The following TRDMT1 variants were observed in gnomAD, a reference collection of about 807,000 sequenced individuals.
TRDMT1 encodes the protein tRNA (cytosine(38)-C(5))-methyltransferase.
TRDMT1 carries 49 observed loss-of-function variants against 51.2 expected under a neutral mutation model. That is an observed-to-expected ratio of 0.96 (90% CI 0.76 to 1.21). The LOEUF (loss-of-function observed/expected upper bound fraction) is 1.21. Ranked by LOEUF, TRDMT1 falls within the 50% of genes most tolerant of loss-of-function variation. The pLI, the probability that TRDMT1 is intolerant of heterozygous loss-of-function variation, is 0.00. For synonymous variants in TRDMT1, 187 were observed against 164.6 expected (o/e 1.14, Z -1.04); for missense variants, 534 against 462.3 (o/e 1.16, Z -1.42).
Position 17,149,227 on chromosome 10 carries a change from C to G in TRDMT1, c.1076-87G>C, listed in dbSNP as rs563408948. The G allele has an allele frequency of 2.6e-4, 261 of 1,013,498 alleles. 3 individuals are homozygous for G. The Admixed American group carries it at 6.4e-3, about 25-fold the overall frequency. 62.8% of individuals were successfully genotyped at this position (1,013,498 alleles called of 1,614,324 possible). ...GATGTATCCTTTAGTAAGGGCACAG[C>G]GGTCATTTCATAAGTAAATCACTAA... On this transcript the variant is annotated intron_variant, in intron 10 of 10. Coordinates refer to ENST00000377799, the MANE Select transcript of TRDMT1 (RefSeq NM_004412.7).
At chr10:17,173,846 C>A (rs1842333905) in intron 2 of TRDMT1, among the ~76,000 whole-genome samples, 1 of 149,924 alleles carries the variant, frequency 6.7e-6, no homozygotes, top group East Asian at 2.0e-4. Context: ...CTCACTGCAA[C>A]CTCCGCCTCC....
At chr10:17,155,983 T>C (rs1839440508) in intron 8 of TRDMT1, among the ~76,000 whole-genome samples, 1 of 152,150 alleles carries the variant, frequency 6.6e-6, no homozygotes, top group African/African-American at 2.4e-5. Context: ...AACTTGGTAA[T>C]TGACAACAGC....
intron 1 of TRDMT1, among the ~76,000 whole-genome samples, chr10:17,195,235 A>T (rs1845248913): frequency 6.6e-6 from 1 of 152,240 alleles, no homozygotes; most frequent in Non-Finnish European, 1.5e-5. Context: ...GAATTAAGAA[A>T]ATGTGGTATA....
rs1165824085 is a variant in TRDMT1 at position 17,144,814 on chromosome 10, CT to C, written c.*4225del. Reference sequence around the variant, plus strand: ...ACAACAACAACAAAAAATACTTTTTCTTTTTTTTTTTAAACTGAAGCTTTAA... The same window carrying C: ...ACAACAACAACAAAAAATACTTTTTCTTTTTTTTTTAAACTGAAGCTTTAA... On this transcript the variant is annotated 3_prime_UTR_variant, in exon 11 of 11. Coordinates refer to ENST00000377799, the MANE Select transcript of TRDMT1 (RefSeq NM_004412.7). 2,780 of 717,908 alleles carry C rather than the reference CT, an allele frequency of 3.9e-3. 1 individual carries two copies. Among genetic ancestry groups the C allele is most frequent in the Middle Eastern group, 5.8e-3 (8 of 1,382 alleles). 44.5% of individuals were successfully genotyped at this position (717,908 alleles called of 1,614,324 possible).
chr10:17,171,110 G>GGTGT (rs1564302038), intron 2 of TRDMT1, among the ~76,000 whole-genome samples: 15 of 82,868 alleles, frequency 1.8e-4, no homozygotes, highest in Middle Eastern at 7.0e-3. Flanking sequence ...ACTGGATTTA[G>GGTGT]ATGTGTGTGT....
At chr10:17,179,699 T>C (rs148387906) in intron 1 of TRDMT1, among the ~76,000 whole-genome samples, 2 of 146,932 alleles carry the variant, frequency 1.4e-5, no homozygotes, top group Non-Finnish European at 3.0e-5. Context: ...TTTCAAGTAA[T>C]GTAAGAAGAG....
chr10:17,165,854 T>G (rs1036670456), intron 3 of TRDMT1, among the ~76,000 whole-genome samples: 6 of 152,246 alleles, frequency 3.9e-5, no homozygotes, highest in Admixed American at 1.3e-4. Context: ...TGGCAATCAT[T>G]AAAAACTCAG....
At chr10:17,152,630 G>A (rs1225453193) in intron 10 of TRDMT1, among the ~76,000 whole-genome samples, 1 of 152,170 alleles carries the variant, frequency 6.6e-6, no homozygotes, top group African/African-American at 2.4e-5. Flanking sequence ...CAGCCCATCA[G>A]CCAGGTACTG....
At chr10:17,160,639 T>A (rs1840215700) in intron 5 of TRDMT1, among the ~76,000 whole-genome samples, 1 of 151,822 alleles carries the variant, frequency 6.6e-6, no homozygotes, top group Admixed American at 6.6e-5. Context: ...CCTGGCTAAT[T>A]TTTTTGTATT....
rs1044777782 is a variant in TRDMT1, at chr10:17,139,995, A to C, written c.*9045T>G. Among the ~76,000 whole-genome samples the C allele has an allele frequency of 1.4e-5, 2 of 143,340 alleles. No homozygotes were observed. Among genetic ancestry groups the C allele is most frequent in the African/African-American group, 5.3e-5 (2 of 37,746 alleles). 94.0% of individuals were successfully genotyped at this position (143,340 alleles called of 152,430 possible). On this transcript the variant is annotated 3_prime_UTR_variant, in exon 11 of 11. Transcript: ENST00000377799. ...ATAAACAATACCCTAGGAGTTATAC[A>C]CAATTTTGGCATTAAATATTCTTCC... is the stretch of plus-strand genomic sequence containing the variant.
Position 17,138,159 on chromosome 10 carries a change from G to A in TRDMT1, c.*10881C>T, listed in dbSNP as rs1391345845. Among the ~76,000 whole-genome samples the A allele has an allele frequency of 2.0e-5, 3 of 152,188 alleles. No homozygotes were observed. Among genetic ancestry groups the A allele is most frequent in the Non-Finnish European group, 4.4e-5 (3 of 68,034 alleles). On this transcript the variant is annotated 3_prime_UTR_variant, in exon 11 of 11. Coordinates refer to ENST00000377799, the MANE Select transcript of TRDMT1 (RefSeq NM_004412.7). ...CCCCTAATGCTAGCTCCCATTACAT[G>A]TTATAGCTTCAATCTGGCTTTTGTG...
rs1220329702 is a variant in TRDMT1 at position 17,161,625 on chromosome 10, G to T, written c.324-77C>A. On this transcript the variant is annotated intron_variant, in intron 4 of 10. Coordinates refer to ENST00000377799, the MANE Select transcript of TRDMT1 (RefSeq NM_004412.7). ...AAAGTAAAGAAAATCATTACTTGTG[G>T]GAAATACGAGGTAAGTAATTTTCTG... The T allele has an allele frequency of 3.9e-6, 3 of 774,960 alleles. No homozygotes were observed. In the African/African-American group the frequency reaches 5.3e-5, roughly 14 times the overall value. 48.0% of individuals were successfully genotyped at this position (774,960 alleles called of 1,614,324 possible).
chr10:17,157,936 A>C (rs1235287071), intron 7 of TRDMT1, 152 bp from the exon 8 acceptor site: 11 of 621,380 alleles, frequency 1.8e-5, no homozygotes, highest in Non-Finnish European at 2.8e-5. Flanking sequence ...GTATTTGTAC[A>C]AGTTATTACA....
intron 1 of TRDMT1, among the ~76,000 whole-genome samples, chr10:17,189,675 C>T (rs991241483): frequency 3.3e-5 from 5 of 152,058 alleles, no homozygotes; most frequent in African/African-American, 1.2e-4. Flanking sequence ...TAAACCTTAG[C>T]GATCTATTAA....
Position 17,157,484 on chromosome 10 carries a change from T to C in TRDMT1, c.844A>G (p.Ile282Val), listed in dbSNP as rs145087683. Residue 282 changes from isoleucine (I) to valine (V), a missense_variant, in exon 8 of 11, where the codon ATT (isoleucine) becomes GTT (valine). By Grantham distance (29) the Ile-to-Val change is conservative. Transcript: ENST00000377799. ...GACCTTCTACAAGTGGGCTGAACAA[T>C]GTCTAACAGAAGAGCATATCGCAGC... ...SLLRYALLLD[I>V]VQPTCRRSVC... is the part of the protein sequence containing the mutation. 9 of 1,613,650 alleles carry C rather than the reference T, an allele frequency of 5.6e-6. No individual in the cohort carries two copies. In the African/African-American group the frequency reaches 1.2e-4, roughly 22 times the overall value.
rs183603154 is a variant in TRDMT1 at position 17,168,877 on chromosome 10, A to G, written c.215T>C (p.Met72Thr). The change falls in exon 3 of 11, where the codon ATG (methionine) becomes ACG (threonine). Residue 72 changes from methionine (M) to threonine (T), a missense_variant. Transcript: ENST00000377799. ...LEEFDRLSFD[M>T]ILMSPPCQPF... The stretch of plus-strand genomic sequence containing the variant: ...CTGGCAGGGAGGGCTCATTAAAATC[A>G]TATCAAAAGATAATCTGTCAAACTC... 8.7e-6 allele frequency: 14 copies of G among 1,612,928 alleles called. No individual in the cohort carries two copies. The East Asian group carries it at 1.1e-4, about 13-fold the overall frequency.
Position 17,143,756 on chromosome 10 carries a change from G to C in TRDMT1, c.*5284C>G. 1 of 985,404 alleles carries C rather than the reference G, an allele frequency of 1.0e-6. No homozygotes were observed. The highest frequency in any genetic ancestry group is 4.7e-5 in the South Asian group (1 of 21,290). 61.0% of individuals were successfully genotyped at this position (985,404 alleles called of 1,614,324 possible). A position where few individuals can be genotyped will look rare whatever the true frequency, so the allele number is the denominator to read the frequency against. ...CCTTAGGAAGGCCATTTTAACAGAA[G>C]CTGACCAATGGAATGCAGAGTGAGA... On this transcript the variant is annotated 3_prime_UTR_variant, in exon 11 of 11. Transcript: ENST00000377799.
chr10:17,186,628 C>T (rs994459435), intron 1 of TRDMT1, among the ~76,000 whole-genome samples: 2 of 152,098 alleles, frequency 1.3e-5, no homozygotes, highest in East Asian at 1.9e-4. Context: ...GATAATAAAC[C>T]TGTGTTGCTT....
intron 2 of TRDMT1, among the ~76,000 whole-genome samples, chr10:17,174,136 A>T (rs1046067641): frequency 7.2e-5 from 11 of 152,250 alleles, no homozygotes; most frequent in African/African-American, 2.7e-4. Flanking sequence ...ACCACAGGTG[A>T]AAAAGGTTAA....
Sources: allele counts gnomAD v4.1 joint callset (sites outside exome capture counted in the v4.1 genomes callset), GRCh38; gene constraint gnomAD v4.1.1; transcripts MANE v1.5; gene names NCBI Gene and HGNC (gene_info 2026-07-23, HGNC 2026-07-21).